Variants in PGR observed in about 807,000 individuals in gnomAD.
The protein encoded by PGR is nuclear receptor subfamily 3 group C member 3.
Under a neutral mutation model 76.1 loss-of-function variants are expected in PGR, and 25 were observed. The observed-to-expected ratio is 0.33, with a 90% CI of 0.24 to 0.46. The LOEUF (loss-of-function observed/expected upper bound fraction) is 0.46. PGR is among the 20% of genes least tolerant of loss of function. The pLI is 1.00. For synonymous variants in PGR, 579 were observed against 535.0 expected (o/e 1.08, Z -1.14); for missense variants, 1,172 against 1,225.3 (o/e 0.96, Z 0.65).
chr11:101,066,565 GAA>G (rs1483196041), intron 3 of PGR, among the ~76,000 whole-genome samples: 1 of 152,056 alleles, frequency 6.6e-6, no homozygotes, highest in African/African-American at 2.4e-5. Flanking sequence ...GCTTTTCCAA[GAA>G]ACTCTAGACT....
At chr11:101,059,965 A>T (rs1408378378) in intron 4 of PGR, among the ~76,000 whole-genome samples, 1 of 152,126 alleles carries the variant, frequency 6.6e-6, no homozygotes, top group African/African-American at 2.4e-5. Context: ...GTGTAGACAA[A>T]GAAGAAATGA....
intron 2 of PGR, among the ~76,000 whole-genome samples, chr11:101,106,414 G>A (rs11224594): frequency 0.32 from 48,530 of 151,956 alleles, 8,002 homozygotes; most frequent in African/African-American, 0.37. Context: ...AAGGATATGA[G>A]CAGACACTTC....
chr11:101,062,417 T>C, intron 4 of PGR, 30 bp downstream of exon 4: 1 of 1,511,946 alleles, frequency 6.6e-7, no homozygotes, highest in Non-Finnish European at 9.2e-7. Flanking sequence ...ATATTTTTTA[T>C]TACATGCTGT....
intron 3 of PGR, among the ~76,000 whole-genome samples, chr11:101,073,964 C>T (rs750223680): frequency 2.0e-5 from 3 of 152,086 alleles, no homozygotes; most frequent in African/African-American, 7.2e-5. Context: ...AGAGGGAATC[C>T]TCCCTAACTC....
intron 2 of PGR, 128 bp from the exon 3 acceptor site, chr11:101,092,004 G>A: frequency 1.5e-6 from 1 of 687,464 alleles, no homozygotes; most frequent in Middle Eastern, 3.7e-4. Flanking sequence ...CTTCCTGCCT[G>A]GCACAGCTGA....
chr11:101,077,556 A>G (rs1193655146), intron 3 of PGR, among the ~76,000 whole-genome samples: 2 of 152,216 alleles, frequency 1.3e-5, no homozygotes, highest in African/African-American at 2.4e-5. Context: ...GAACCCCTCA[A>G]TTCTAACTTT....
At position 101,129,027 on chromosome 11, in the gene PGR, G is replaced by C; in HGVS notation, c.44C>G (p.Ala15Gly). The change falls in exon 1 of 8, where the codon GCG (alanine) becomes GGG (glycine). Residue 15 changes from alanine to glycine, a missense_variant. By Grantham distance (60) the Ala-to-Gly change is moderately conservative. This residue lies in a region of PGR where 893 missense variants were observed against 785.9 expected (regional missense o/e 1.14). Transcript: ENST00000325455. ...KAKGPRAPHV[A>G]GGPPSPEVGS... ...GACCTCGGGGGAGGGCGGGCCGCCC[G>C]CCACGTGGGGAGCCCGGGGACCCTT... 6.4e-7 allele frequency: 1 copy of C among 1,566,342 alleles called. No individual in the cohort carries two copies. Among genetic ancestry groups the C allele is most frequent in the Admixed American group, 1.9e-5 (1 of 53,334 alleles).
In PGR at chr11:101,051,459, C is replaced by T; in HGVS notation, c.2322G>A (p.Gln774=). 1 of 1,610,316 alleles carries T rather than the reference C, an allele frequency of 6.2e-7. No homozygotes were observed. The highest frequency in any genetic ancestry group is 8.5e-7 in the Non-Finnish European group (1 of 1,176,876). The part of the protein sequence containing the change: ...GWRSYKHVSG[Q]MLYFAPDLIL... ...TTAGATCAGGTGCAAAATACAGCAT[C>T]TGCCCACTGACGTGTTTGTAGGATC... Residue 774 remains glutamine, a synonymous_variant, in exon 5 of 8, where the codon CAG becomes CAA. Coordinates refer to ENST00000325455, the MANE Select transcript of PGR (RefSeq NM_000926.4).
chr11:101,042,050 G>A lies in PGR; in HGVS notation c.2541C>T (p.Ser847=). 2 of 1,613,440 alleles carry A rather than the reference G, an allele frequency of 1.2e-6. No homozygotes were observed. Among genetic ancestry groups the A allele is most frequent in the Non-Finnish European group, 1.7e-6 (2 of 1,179,606 alleles). Residue 847 remains serine (S), a synonymous_variant, in exon 7 of 8, where the codon AGC becomes AGT. Coordinates refer to ENST00000325455, the MANE Select transcript of PGR (RefSeq NM_000926.4). ...SQTQFEEMRS[S]YIRELIKAIG... ...TTGCCTTGATGAGCTCTCTAATGTA[G>A]CTTGACCTCATCTCCTCAAACTGGG...
In PGR at chr11:101,091,779, C is replaced by T. The variant is rs534608595; in HGVS notation, c.1887G>A (p.Gln629=). ...AATTACCTCCAAGGACCATGCCAGC[C>T]TGACAGCACTTTCTAAGGCGACATG... The part of the protein sequence containing the change: ...CPACRLRKCC[Q]AGMVLGGRKF... The change falls in exon 3 of 8, where the codon CAG becomes CAA. Residue 629 remains glutamine (Q), a synonymous_variant. Coordinates refer to ENST00000325455, the MANE Select transcript of PGR (RefSeq NM_000926.4). 1.9e-6 allele frequency: 3 copies of T among 1,578,332 alleles called. No individual in the cohort carries two copies. Among genetic ancestry groups the T allele is most frequent in the East Asian group, 4.5e-5 (2 of 44,716 alleles).
intron 3 of PGR, 110 bp from the exon 4 acceptor site, chr11:101,062,862 C>A: frequency 1.8e-6 from 1 of 556,238 alleles, no homozygotes. Context: ...ATTTTAGCAT[C>A]AATCGAATGA....
At chr11:101,072,235 T>A (rs1263103999) in intron 3 of PGR, among the ~76,000 whole-genome samples, 1 of 152,122 alleles carries the variant, frequency 6.6e-6, no homozygotes, top group South Asian at 2.1e-4. Context: ...CTAAGCTTCA[T>A]AAGCAAAGGA....
intron 2 of PGR, among the ~76,000 whole-genome samples, chr11:101,100,516 C>G (rs1469996819): frequency 6.6e-6 from 1 of 151,750 alleles, no homozygotes; most frequent in Non-Finnish European, 1.5e-5. Context: ...TTGGGACTGG[C>G]CTAAGATTTT....
rs1356687066 is a variant in PGR at position 101,127,456 on chromosome 11, G to A, written c.1615C>T (p.Pro539Ser). The change falls in exon 1 of 8, where the codon CCG becomes TCG. Residue 539 changes from proline (P) to serine (S), a missense_variant. Pro to Ser is a moderately conservative substitution (Grantham distance 74, BLOSUM62 -1). This residue lies in a region of PGR where 893 missense variants were observed against 785.9 expected (regional missense o/e 1.14). Coordinates refer to ENST00000325455, the MANE Select transcript of PGR (RefSeq NM_000926.4). ...VLKEGLPQVY[P>S]PYLNYLRPDS... ...CACCTCAGGTAGTTGAGATAGGGCG[G>A]GTAGACCTGCGGCAGGCCCTCCTTG... 1.3e-6 allele frequency: 2 copies of A among 1,559,622 alleles called. No homozygotes were observed. The highest frequency in any genetic ancestry group is 3.7e-5 in the Admixed American group (2 of 54,164).
intron 2 of PGR, among the ~76,000 whole-genome samples, chr11:101,108,146 C>T (rs1862233987): frequency 6.6e-6 from 1 of 151,272 alleles, no homozygotes; most frequent in South Asian, 2.1e-4. Context: ...CCCAGCTACT[C>T]TGGAGGCTGA....
chr11:101,110,856 C>T (rs1418427874), intron 2 of PGR, among the ~76,000 whole-genome samples: 1 of 152,134 alleles, frequency 6.6e-6, no homozygotes, highest in African/African-American at 2.4e-5. Context: ...ATCACTACCT[C>T]GATAAGTCAA....
intron 2 of PGR, among the ~76,000 whole-genome samples, chr11:101,104,723 T>G (rs1862097719): frequency 6.6e-6 from 1 of 152,222 alleles, no homozygotes; most frequent in African/African-American, 2.4e-5. Context: ...TGACACTCAG[T>G]CTTGCTTCTC....
chr11:101,048,610 TG>T (rs1446681980), intron 6 of PGR, among the ~76,000 whole-genome samples: 1 of 152,078 alleles, frequency 6.6e-6, no homozygotes, highest in East Asian at 1.9e-4. Context: ...AAGATACGAA[TG>T]GGACACTTGC....
chr11:101,098,142 A>G (rs897365436), intron 2 of PGR, among the ~76,000 whole-genome samples: 2 of 152,212 alleles, frequency 1.3e-5, no homozygotes, highest in Admixed American at 6.5e-5. Flanking sequence ...TGATTAGATC[A>G]TTTTATTTGC....
Sources: allele counts gnomAD v4.1 joint callset (sites outside exome capture counted in the v4.1 genomes callset), GRCh38; gene constraint gnomAD v4.1.1; regional missense constraint gnomAD v4.1.1; transcripts MANE v1.5; gene names NCBI Gene and HGNC (gene_info 2026-07-23, HGNC 2026-07-21).